Variants in DEFB136 observed in about 807,000 individuals in gnomAD.
DEFB136 encodes the protein beta-defensin 136.
A neutral mutation model predicts 2.4 loss-of-function variants in DEFB136; 6 were observed. That is an observed-to-expected ratio of 2.45 (90% CI 1.34 to 4.84). The LOEUF (loss-of-function observed/expected upper bound fraction) is 4.84, where lower values mean the gene tolerates loss of function less well. Among genes scored for constraint, DEFB136 ranks in the 30% most tolerant of loss-of-function variants. The probability of loss-of-function intolerance (pLI) is 0.00; values close to 1 mark genes in which losing one functional copy is unlikely to be tolerated. For synonymous variants in DEFB136, 47 were observed against 35.2 expected (o/e 1.33, Z -1.18); for missense variants, 126 against 98.4 (o/e 1.28, Z -1.19).
rs1318384198 is a variant in DEFB136, at chr8:11,973,992, C to T, written c.182G>A (p.Cys61Tyr). The T allele has an allele frequency of 6.2e-7, 1 of 1,608,560 alleles. No individual in the cohort carries two copies. Among genetic ancestry groups the T allele is most frequent in the Admixed American group, 1.7e-5 (1 of 58,662 alleles). The change falls in exon 2 of 2, where the codon TGT becomes TAT. Residue 61 changes from cysteine to tyrosine, a missense_variant. Transcript: ENST00000382209. ...GGGTTGAAAACGTGTCATATTTTTA[C>T]AGCAAGACAGAATATTGTGGCAGAA... ...IAFCHNILSC[C>Y]KNMTRFQPPQ...
intron 1 of DEFB136, 118 bp downstream of exon 1, chr8:11,974,427 A>G (rs1799554164): frequency 4.0e-6 from 5 of 1,252,096 alleles, no homozygotes; most frequent in Admixed American, 1.7e-5. Context: ...TGCCCCTAAC[A>G]TGGTGGCCCA....
chr8:11,974,552 C>G lies in DEFB136; in HGVS notation c.48G>C (p.Leu16=), dbSNP rs1164891018. ...TCACGCCCACTGTCTTACCTGAAGG[C>G]AGTAAGATCACCAGGAAAAAGAGTA... ...SALLFFLVIL[L]PSGKGMFGND... Residue 16 remains leucine, a synonymous_variant, in exon 1 of 2, where the codon CTG becomes CTC. Coordinates refer to ENST00000382209, the MANE Select transcript of DEFB136 (RefSeq NM_001033018.2). The G allele has an allele frequency of 2.0e-5, 33 of 1,613,966 alleles. No homozygotes were observed. The highest frequency in any genetic ancestry group is 8.9e-5 in the East Asian group (4 of 44,890).
At chr8:11,974,491 C>T in intron 1 of DEFB136, 54 bp downstream of exon 1, 1 of 1,599,182 alleles carries the variant, frequency 6.3e-7, no homozygotes, top group South Asian at 1.1e-5. Context: ...TTTTAAGCAT[C>T]TCAATCTTTG....
In DEFB136 at chr8:11,974,244, C is replaced by G. The variant is rs1349249394; in HGVS notation, c.56-126G>C. On this transcript the variant is annotated intron_variant, in intron 1 of 1. Coordinates refer to ENST00000382209, the MANE Select transcript of DEFB136 (RefSeq NM_001033018.2). ...TGATTTACCTCACCTCTTATCACAA[C>G]TCAGCAAGGCAGATAAAGCTCAGGG... is the stretch of plus-strand genomic sequence containing the variant. The G allele has an allele frequency of 1.1e-5, 14 of 1,256,878 alleles. No individual in the cohort carries two copies. In the Admixed American group the frequency reaches 1.5e-4, roughly 14 times the overall value. 77.9% of individuals were successfully genotyped at this position (1,256,878 alleles called of 1,614,324 possible).
chr8:11,973,952 A>T lies in DEFB136; in HGVS notation c.222T>A (p.Asp74Glu). 1.9e-6 allele frequency: 3 copies of T among 1,593,888 alleles called. No homozygotes were observed. Among genetic ancestry groups the T allele is most frequent in the Non-Finnish European group, 1.7e-6 (2 of 1,170,478 alleles). Residue 74 changes from aspartate (D) to glutamate (E), a missense_variant, in exon 2 of 2, where the codon GAT (aspartate) becomes GAA (glutamate). By Grantham distance (45) the Asp-to-Glu change is conservative. Coordinates refer to ENST00000382209, the MANE Select transcript of DEFB136 (RefSeq NM_001033018.2). ...ACATATCCTTTTAATGAACCCATGG[A>T]TCTTTGGCTTGCGGGGGTTGAAAAC... ...MTRFQPPQAK[D>E]PWVH
At chr8:11,974,165 G>C (rs757270874) in intron 1 of DEFB136, 47 bp from the exon 2 acceptor site, 1 of 1,504,946 alleles carries the variant, frequency 6.6e-7, no homozygotes, top group East Asian at 2.4e-5. Context: ...TCTTAATGAG[G>C]CTGGGAGAAA....
Position 11,974,587 on chromosome 8 carries a change from G to T in DEFB136, c.13C>A (p.Leu5Ile). ...ACCAGGAAAAAGAGTAATGCAGAAA[G>T]ACAGAGGTTCATGGCCGAAGAGGGC... The part of the protein sequence containing the change: MNLC[L>I]SALLFFLVIL... The change falls in exon 1 of 2, where the codon CTT (leucine) becomes ATT (isoleucine). Residue 5 changes from leucine to isoleucine, a missense_variant. By Grantham distance (5) the Leu-to-Ile change is conservative (BLOSUM62 2). Coordinates refer to ENST00000382209, the MANE Select transcript of DEFB136 (RefSeq NM_001033018.2). 6.2e-7 allele frequency: 1 copy of T among 1,614,124 alleles called. No homozygotes were observed. Among genetic ancestry groups the T allele is most frequent in the South Asian group, 1.1e-5 (1 of 91,070 alleles).
chr8:11,973,984 T>C lies in DEFB136; in HGVS notation c.190A>G (p.Met64Val). ...GCTTGCGGGGGTTGAAAACGTGTCA[T>C]ATTTTTACAGCAAGACAGAATATTG... ...CHNILSCCKN[M>V]TRFQPPQAKD... is the part of the protein sequence containing the mutation. The change falls in exon 2 of 2, where the codon ATG (methionine) becomes GTG (valine). Residue 64 changes from methionine (M) to valine (V), a missense_variant. Coordinates refer to ENST00000382209, the MANE Select transcript of DEFB136 (RefSeq NM_001033018.2). 1 of 1,607,522 alleles carries C rather than the reference T, an allele frequency of 6.2e-7. No individual in the cohort carries two copies. The highest frequency in any genetic ancestry group is 1.1e-5 in the South Asian group (1 of 89,416).
Position 11,974,098 on chromosome 8 carries a change from C to G in DEFB136, c.76G>C (p.Asp26His), listed in dbSNP as rs757259987. The part of the protein sequence containing the change: ...LPSGKGMFGN[D>H]GVKVRTCTSQ... Reference sequence around the variant, plus strand: ...GTGCAGGTGCGAACTTTGACTCCATCATTCCCAAACATACCTTTTCCTGAA... The same window carrying G: ...GTGCAGGTGCGAACTTTGACTCCATGATTCCCAAACATACCTTTTCCTGAA... Residue 26 changes from aspartate (D) to histidine (H), a missense_variant, in exon 2 of 2, where the codon GAT becomes CAT. Transcript: ENST00000382209. The G allele has an allele frequency of 1.3e-6, 2 of 1,578,620 alleles. No individual in the cohort carries two copies. Among genetic ancestry groups the G allele is most frequent in the East Asian group, 4.6e-5 (2 of 43,546 alleles).
rs1799542611 is a variant in DEFB136 at position 11,974,013 on chromosome 8, C to T, written c.161G>A (p.Cys54Tyr). Residue 54 changes from cysteine to tyrosine, a missense_variant, in exon 2 of 2, where the codon TGC (cysteine) becomes TAC (tyrosine). Transcript: ENST00000382209. ...TTTACAGCAAGACAGAATATTGTGGCAGAACGCAATCCACCTGTATCCTGG... is the reference window on the plus strand; with the variant it reads ...TTTACAGCAAGACAGAATATTGTGGTAGAACGCAATCCACCTGTATCCTGG... ...CPPGYRWIAFCHNILSCCKNM... is the reference protein window; with the variant it reads ...CPPGYRWIAFYHNILSCCKNM... The T allele has an allele frequency of 3.7e-6, 6 of 1,611,840 alleles. No homozygotes were observed. The highest frequency in any genetic ancestry group is 5.1e-6 in the Non-Finnish European group (6 of 1,178,970).
In DEFB136 at chr8:11,973,963, G is replaced by C. The variant is rs780222605; in HGVS notation, c.211C>G (p.Gln71Glu). The C allele has an allele frequency of 5.6e-6, 9 of 1,602,144 alleles. No homozygotes were observed. The highest frequency in any genetic ancestry group is 7.7e-6 in the Non-Finnish European group (9 of 1,174,438). ...CKNMTRFQPP[Q>E]AKDPWVH Reference sequence around the variant, plus strand: ...TAATGAACCCATGGATCTTTGGCTTGCGGGGGTTGAAAACGTGTCATATTT... The same window carrying C: ...TAATGAACCCATGGATCTTTGGCTTCCGGGGGTTGAAAACGTGTCATATTT... The change falls in exon 2 of 2, where the codon CAA becomes GAA. Residue 71 changes from glutamine (Q) to glutamate (E), a missense_variant. Gln to Glu is a conservative substitution (Grantham distance 29). Coordinates refer to ENST00000382209, the MANE Select transcript of DEFB136 (RefSeq NM_001033018.2).
At chr8:11,974,182 G>C in intron 1 of DEFB136, 64 bp from the exon 2 acceptor site, 1 of 1,490,204 alleles carries the variant, frequency 6.7e-7, no homozygotes, top group Non-Finnish European at 9.0e-7. Flanking sequence ...GAAATCCTAG[G>C]CTTGCCATCA....
Position 11,973,947 on chromosome 8 carries a change from C to A in DEFB136, c.227G>T (p.Trp76Leu). 6.3e-7 allele frequency: 1 copy of A among 1,589,410 alleles called. No individual in the cohort carries two copies. The highest frequency in any genetic ancestry group is 8.6e-7 in the Non-Finnish European group (1 of 1,168,276). Residue 76 changes from tryptophan (W) to leucine (L), a missense_variant, in exon 2 of 2, where the codon TGG (tryptophan) becomes TTG (leucine). Transcript: ENST00000382209. ...RFQPPQAKDPWVH is the reference protein window; with the variant it reads ...RFQPPQAKDPLVH ...CATTCACATATCCTTTTAATGAACC[C>A]ATGGATCTTTGGCTTGCGGGGGTTG...
intron 1 of DEFB136, 138 bp from the exon 2 acceptor site, chr8:11,974,256 G>T: frequency 2.5e-6 from 3 of 1,207,954 alleles, no homozygotes; most frequent in Non-Finnish European, 3.4e-6. Context: ...CAGCAAGGCA[G>T]ATAAAGCTCA....
chr8:11,973,990 T>C lies in DEFB136; in HGVS notation c.184A>G (p.Lys62Glu), dbSNP rs373016932. The change falls in exon 2 of 2, where the codon AAA (lysine) becomes GAA (glutamate). Residue 62 changes from lysine (K) to glutamate (E), a missense_variant. Transcript: ENST00000382209. ...GGGGGTTGAAAACGTGTCATATTTT[T>C]ACAGCAAGACAGAATATTGTGGCAG... is the stretch of plus-strand genomic sequence containing the variant. ...AFCHNILSCC[K>E]NMTRFQPPQA... is the part of the protein sequence containing the mutation. 4 of 1,607,686 alleles carry C rather than the reference T, an allele frequency of 2.5e-6. No individual in the cohort carries two copies. The highest frequency in any genetic ancestry group is 1.3e-5 in the African/African-American group (1 of 74,696).
chr8:11,974,225 A>C, intron 1 of DEFB136, 107 bp from the exon 2 acceptor site: 1 of 1,352,334 alleles, frequency 7.4e-7, no homozygotes, highest in Non-Finnish European at 1.0e-6. Flanking sequence ...GTTGTGATTT[A>C]CCTCACCTCT....
intron 1 of DEFB136, 89 bp downstream of exon 1, chr8:11,974,456 T>A: frequency 2.0e-6 from 3 of 1,486,020 alleles, no homozygotes; most frequent in Non-Finnish European, 2.8e-6. Context: ...TGGTGTCCTG[T>A]TGCTGGGCTT....
At chr8:11,974,177 C>T in intron 1 of DEFB136, 59 bp from the exon 2 acceptor site, 2 of 1,495,466 alleles carry the variant, frequency 1.3e-6, no homozygotes, top group Non-Finnish European at 1.8e-6. Context: ...TGGGAGAAAT[C>T]CTAGGCTTGC....
At chr8:11,974,428 T>C in intron 1 of DEFB136, 117 bp downstream of exon 1, 2 of 1,257,526 alleles carry the variant, frequency 1.6e-6, no homozygotes, top group Non-Finnish European at 2.3e-6. Flanking sequence ...GCCCCTAACA[T>C]GGTGGCCCAT....
Sources: allele counts gnomAD v4.1 joint callset, GRCh38; gene constraint gnomAD v4.1.1; transcripts MANE v1.5; gene names NCBI Gene and HGNC (gene_info 2026-07-23, HGNC 2026-07-21).